The following COL6A6 variants were observed in gnomAD, a reference collection of about 807,000 sequenced individuals.
COL6A6 encodes the protein collagen alpha-6(VI) chain.
A neutral mutation model predicts 208.6 loss-of-function variants in COL6A6; 183 were observed. The ratio of observed to expected loss-of-function variants is 0.88; its 90% CI spans 0.78 to 0.99. The LOEUF (loss-of-function observed/expected upper bound fraction) is 0.99. COL6A6 is among the 50% of genes least tolerant of loss of function. The pLI, the probability that COL6A6 is intolerant of heterozygous loss-of-function variation, is 0.00. For missense variants in COL6A6, 2,816 were observed against 2,815.2 expected, an observed-to-expected ratio of 1.00 and a Z score of -0.01; for synonymous variants, 973 against 1,011.8, an observed-to-expected ratio of 0.96 and a Z score of 0.73.
intron 34 of COL6A6, 24 bp from the exon 35 acceptor site, chr3:130,661,613 C>A (rs979684140): frequency 5.1e-6 from 8 of 1,570,860 alleles, no homozygotes; most frequent in Middle Eastern, 3.4e-4. Flanking sequence ...TACTTAGTAA[C>A]CCAGAGTAAC....
chr3:130,524,168 G>A (rs375766889), intron 1 of COL6A6, among the ~76,000 whole-genome samples: 2 of 152,212 alleles, frequency 1.3e-5, no homozygotes, highest in Non-Finnish European at 2.9e-5. Flanking sequence ...TCCTCAGCTT[G>A]CACTGGTGAA....
intron 1 of COL6A6, among the ~76,000 whole-genome samples, chr3:130,528,613 C>A (rs1218658570): frequency 6.6e-6 from 1 of 152,132 alleles, no homozygotes; most frequent in Non-Finnish European, 1.5e-5. Flanking sequence ...CAAAGCAGAG[C>A]ATCATTTTGG....
intron 33 of COL6A6, among the ~76,000 whole-genome samples, chr3:130,654,736 G>A (rs1485985539): frequency 6.6e-6 from 1 of 152,198 alleles, no homozygotes; most frequent in Non-Finnish European, 1.5e-5. Context: ...ATGGGGAATT[G>A]CAGTAGAGAA....
At chr3:130,552,146 C>T (rs991798193) in intron 1 of COL6A6, among the ~76,000 whole-genome samples, 1 of 152,040 alleles carries the variant, frequency 6.6e-6, no homozygotes, top group Non-Finnish European at 1.5e-5. Flanking sequence ...CTATGTATGT[C>T]TATTAGATCC....
At position 130,642,881 on chromosome 3, in the gene COL6A6, G is replaced by A. The variant is rs751826438; in HGVS notation, c.5190+14G>A. On this transcript the variant is annotated intron_variant, in intron 30 of 36. Coordinates refer to ENST00000358511, the MANE Select transcript of COL6A6 (RefSeq NM_001102608.3). Reference sequence around the variant, plus strand: ...GCTTCATTTTCTGTACGTATCTCCCGACTACAACAGAGTGCTCTGAGTGCT... The same window carrying A: ...GCTTCATTTTCTGTACGTATCTCCCAACTACAACAGAGTGCTCTGAGTGCT... 1.6e-5 allele frequency: 26 copies of A among 1,613,650 alleles called. No homozygotes were observed. Among genetic ancestry groups the A allele is most frequent in the South Asian group, 7.7e-5 (7 of 91,064 alleles).
intron 24 of COL6A6, among the ~76,000 whole-genome samples, chr3:130,622,796 G>T (rs1225595319): frequency 6.6e-6 from 1 of 152,050 alleles, no homozygotes. Context: ...GGCAGAGTTT[G>T]CAGTGAGCTG....
chr3:130,550,564 G>A (rs2107797491), intron 1 of COL6A6, among the ~76,000 whole-genome samples: 1 of 152,320 alleles, frequency 6.6e-6, no homozygotes, highest in South Asian at 2.1e-4. Context: ...TCAGAATCAT[G>A]GATGGAGGTG....
chr3:130,642,243 A>ATGTGTG (rs3074299), intron 29 of COL6A6, among the ~76,000 whole-genome samples: 3,975 of 142,124 alleles, frequency 0.028, 141 homozygotes, highest in African/African-American at 0.091. Flanking sequence ...GACAGATTAT[A>ATGTGTG]TGTGTGTGTG....
intron 1 of COL6A6, among the ~76,000 whole-genome samples, chr3:130,545,620 AAGTTTGTAT>A (rs1245083911): frequency 1.1e-4 from 6 of 55,614 alleles, no homozygotes; most frequent in Non-Finnish European, 3.3e-4. Flanking sequence ...CTCCTGGCTA[AAGTTTGTAT>A]TTTTTTGGTA....
intron 30 of COL6A6, 36 bp from the exon 31 acceptor site, chr3:130,642,951 T>A: frequency 6.2e-7 from 1 of 1,613,676 alleles, no homozygotes; most frequent in Non-Finnish European, 8.5e-7. Flanking sequence ...TAGCAGTTTG[T>A]TGTTTAATTG....
chr3:130,674,302 G>C (rs1034830330), intron 36 of COL6A6, among the ~76,000 whole-genome samples: 1 of 152,196 alleles, frequency 6.6e-6, no homozygotes, highest in African/African-American at 2.4e-5. Context: ...GCTCATGGCT[G>C]CCATATAGGT....
intron 28 of COL6A6, among the ~76,000 whole-genome samples, chr3:130,640,205 C>T (rs996623080): frequency 3.9e-5 from 6 of 152,224 alleles, no homozygotes; most frequent in Admixed American, 1.3e-4. Flanking sequence ...CCTTCTGGGA[C>T]GTATGATATA....
At chr3:130,527,439 C>T (rs759597635) in intron 1 of COL6A6, among the ~76,000 whole-genome samples, 8 of 152,090 alleles carry the variant, frequency 5.3e-5, no homozygotes, top group Non-Finnish European at 1.0e-4. Context: ...AAGAAGGTAG[C>T]CATTCAAAAA....
chr3:130,537,230 C>G (rs1026089186), intron 1 of COL6A6, among the ~76,000 whole-genome samples: 5 of 152,232 alleles, frequency 3.3e-5, no homozygotes, highest in African/African-American at 1.2e-4. Flanking sequence ...TGTTCTAGCT[C>G]TATCAATTAA....
chr3:130,639,705 A>T (rs952088252), intron 28 of COL6A6, among the ~76,000 whole-genome samples: 7 of 152,008 alleles, frequency 4.6e-5, no homozygotes, highest in Non-Finnish European at 7.4e-5. Context: ...AAAAAAAAAA[A>T]AAAAATGACT....
In COL6A6 at chr3:130,608,832, T is replaced by C. The variant is rs1054742786; in HGVS notation, c.4690-70T>C. ...GACATTGTGACTGAAAAAATATTTG[T>C]AAGCTTGCAGGTAAAGGAGACAAAA... On this transcript the variant is annotated intron_variant, in intron 21 of 36. Coordinates refer to ENST00000358511, the MANE Select transcript of COL6A6 (RefSeq NM_001102608.3). 10 of 987,478 alleles carry C rather than the reference T, an allele frequency of 1.0e-5. No homozygotes were observed. The African/African-American group carries it at 1.7e-4, about 17-fold the overall frequency. The allele number at this position is 987,478 out of a possible 1,614,324, so 61.2% of individuals were successfully genotyped here. A position where few individuals can be genotyped will look rare whatever the true frequency, so the allele number is the denominator to read the frequency against.
At chr3:130,544,505 C>A (rs561639631) in intron 1 of COL6A6, among the ~76,000 whole-genome samples, 5 of 152,172 alleles carry the variant, frequency 3.3e-5, no homozygotes, top group Non-Finnish European at 7.4e-5. Flanking sequence ...GTGCAGATAT[C>A]TTTACAAGGT....
In COL6A6 at chr3:130,560,735, AC is replaced by A. The variant is rs577392187; in HGVS notation, c.64+308del. ...TTAATATTAGGCTCAGGCCTGGAAA[AC>A]TTGGAATGTCCCATCCTAATTCATT... On this transcript the variant is annotated intron_variant, in intron 2 of 36. Coordinates refer to ENST00000358511, the MANE Select transcript of COL6A6 (RefSeq NM_001102608.3). Among the ~76,000 whole-genome samples, 399 of 152,274 alleles carry A rather than the reference AC, an allele frequency of 2.6e-3. 1 individual carries two copies. Among genetic ancestry groups the A allele is most frequent in the Middle Eastern group, 0.01 (3 of 294 alleles).
At chr3:130,584,787 T>G (rs906720139) in intron 10 of COL6A6, among the ~76,000 whole-genome samples, 1 of 151,950 alleles carries the variant, frequency 6.6e-6, no homozygotes, top group African/African-American at 2.4e-5. Flanking sequence ...GCTAATTTTT[T>G]GTATTTTCAG....
Sources: allele counts gnomAD v4.1 joint callset (sites outside exome capture counted in the v4.1 genomes callset), GRCh38; gene constraint gnomAD v4.1.1; transcripts MANE v1.5; gene names NCBI Gene and HGNC (gene_info 2026-07-23, HGNC 2026-07-21).